COL24A1: variants seen among roughly 807,000 people sequenced by gnomAD.
The protein encoded by COL24A1 is collagen type XXIV alpha 1 chain, also known as collagen alpha-1(XXIV) chain.
In COL24A1, 224 loss-of-function variants were observed where a neutral mutation model predicts 253.9. The ratio of observed to expected loss-of-function variants is 0.88; its 90% CI spans 0.79 to 0.99. The LOEUF (loss-of-function observed/expected upper bound fraction) is 0.99. Ranked by LOEUF, COL24A1 falls within the 50% of genes least tolerant of loss-of-function variation. The pLI is 0.00. For synonymous variants in COL24A1, 685 were observed against 673.7 expected (o/e 1.02, Z -0.26); for missense variants, 2,131 against 2,068.5 (o/e 1.03, Z -0.59).
intron 24 of COL24A1, among the ~76,000 whole-genome samples, chr1:85,913,443 C>A (rs1448875907): frequency 2.0e-5 from 3 of 152,144 alleles, no homozygotes; most frequent in Non-Finnish European, 4.4e-5. Context: ...GTACTACTCA[C>A]TATTACCCCT....
chr1:86,124,851 T>G lies in COL24A1; in HGVS notation c.1485A>C (p.Gly495=). ...EYLRGPKGDT[G]PPGPPGPAGI... ...TAAAAAAAAAAAAACTTACGGGAGG[T>G]CCAGTGTCTCCTTTTGGCCCTCTCA... Residue 495 remains glycine, a synonymous_variant, in exon 3 of 60, where the codon GGA becomes GGC. Transcript: ENST00000370571. 6.5e-7 allele frequency: 1 copy of G among 1,532,426 alleles called. No individual in the cohort carries two copies. Among genetic ancestry groups the G allele is most frequent in the South Asian group, 1.3e-5 (1 of 77,006 alleles). The allele number at this position is 1,532,426 out of a possible 1,614,324, so 94.9% of individuals were successfully genotyped here.
At chr1:85,905,911 C>G (rs1223070886) in intron 28 of COL24A1, among the ~76,000 whole-genome samples, 1 of 152,002 alleles carries the variant, frequency 6.6e-6, no homozygotes, top group Non-Finnish European at 1.5e-5. Context: ...ATTGGTTGAA[C>G]TTTCCCATTA....
chr1:86,075,792 C>A (rs1557515238), intron 7 of COL24A1, among the ~76,000 whole-genome samples: 1 of 152,092 alleles, frequency 6.6e-6, no homozygotes, highest in Non-Finnish European at 1.5e-5. Context: ...ATGACAAAAA[C>A]CACATGATTA....
chr1:86,091,131 A>G (rs1051454916), intron 6 of COL24A1, among the ~76,000 whole-genome samples: 1 of 152,050 alleles, frequency 6.6e-6, no homozygotes, highest in African/African-American at 2.4e-5. Flanking sequence ...AGTAATGAAA[A>G]TACTATGTTT....
At chr1:86,092,395 T>A in intron 5 of COL24A1, 75 bp from the exon 6 acceptor site, 6 of 1,018,150 alleles carry the variant, frequency 5.9e-6, no homozygotes, top group Non-Finnish European at 9.1e-6. Context: ...CAGGTATTTA[T>A]TACCAGATGT....
intron 39 of COL24A1, among the ~76,000 whole-genome samples, chr1:85,845,642 C>T (rs957047958): frequency 2.6e-5 from 4 of 151,698 alleles, no homozygotes; most frequent in African/African-American, 7.3e-5. Flanking sequence ...CATCTACATT[C>T]GTTAAAGTGG....
chr1:86,153,878 T>G (rs1653117151), intron 1 of COL24A1, among the ~76,000 whole-genome samples: 1 of 152,172 alleles, frequency 6.6e-6, no homozygotes, highest in Admixed American at 6.6e-5. Flanking sequence ...GACTTTGAGA[T>G]TTCATTAATT....
intron 43 of COL24A1, among the ~76,000 whole-genome samples, chr1:85,837,203 G>A (rs1288891881): frequency 1.3e-5 from 2 of 152,038 alleles, no homozygotes; most frequent in African/African-American, 4.8e-5. Flanking sequence ...AGATACAAAT[G>A]TTATGTAAAT....
chr1:85,789,741 T>C (rs1224953083), intron 47 of COL24A1, among the ~76,000 whole-genome samples: 2 of 152,182 alleles, frequency 1.3e-5, no homozygotes, highest in Non-Finnish European at 2.9e-5. Context: ...ACCTAGTTTA[T>C]TGAGAGTTTT....
chr1:85,949,540 T>A (rs1338162764), intron 24 of COL24A1, among the ~76,000 whole-genome samples: 4 of 152,182 alleles, frequency 2.6e-5, no homozygotes, highest in African/African-American at 9.6e-5. Flanking sequence ...ATATATTATG[T>A]GCCAGGTACT....
chr1:85,859,426 T>A (rs1678882494), intron 37 of COL24A1, among the ~76,000 whole-genome samples: 1 of 152,144 alleles, frequency 6.6e-6, no homozygotes, highest in African/African-American at 2.4e-5. Flanking sequence ...ACAGAACATA[T>A]GAATCTATTA....
intron 8 of COL24A1, among the ~76,000 whole-genome samples, chr1:86,059,401 C>G (rs12077017): frequency 0.11 from 16,149 of 152,026 alleles, 940 homozygotes; most frequent in Middle Eastern, 0.2. Flanking sequence ...CATTAATAAT[C>G]ATAAATCTAG....
At chr1:86,032,443 C>T (rs1317320583) in intron 13 of COL24A1, among the ~76,000 whole-genome samples, 1 of 151,960 alleles carries the variant, frequency 6.6e-6, no homozygotes, top group African/African-American at 2.4e-5. Context: ...TGTAAAGGCA[C>T]CATAAAAATG....
At chr1:85,958,152 A>C (rs767428155) in intron 24 of COL24A1, among the ~76,000 whole-genome samples, 14 of 152,182 alleles carry the variant, frequency 9.2e-5, no homozygotes, top group African/African-American at 2.4e-4. Flanking sequence ...TGAAAAAAAA[A>C]CAAATATTTA....
chr1:85,970,718 C>T (rs1692075248), intron 21 of COL24A1, among the ~76,000 whole-genome samples: 1 of 152,056 alleles, frequency 6.6e-6, no homozygotes, highest in Non-Finnish European at 1.5e-5. Flanking sequence ...GCTCAATTCA[C>T]AATTCAATTA....
At chr1:86,128,390 A>C (rs1648642860) in intron 2 of COL24A1, among the ~76,000 whole-genome samples, 1 of 151,986 alleles carries the variant, frequency 6.6e-6, no homozygotes, top group African/African-American at 2.4e-5. Flanking sequence ...TATGGAAGGA[A>C]CCCTGCTTCT....
chr1:85,778,464 T>C (rs985102115), intron 52 of COL24A1, among the ~76,000 whole-genome samples: 2 of 152,118 alleles, frequency 1.3e-5, no homozygotes, highest in Non-Finnish European at 2.9e-5. Context: ...TCCCAATCAA[T>C]AGTACTTTTA....
chr1:85,976,142 G>A (rs1692654513), intron 20 of COL24A1, among the ~76,000 whole-genome samples: 1 of 152,178 alleles, frequency 6.6e-6, no homozygotes, highest in Non-Finnish European at 1.5e-5. Flanking sequence ...AAACGGAACT[G>A]TTGCAGAGAG....
chr1:85,769,984 C>G (rs1035815848), intron 53 of COL24A1, among the ~76,000 whole-genome samples: 1 of 152,060 alleles, frequency 6.6e-6, no homozygotes, highest in Non-Finnish European at 1.5e-5. Context: ...TATGTCCCAG[C>G]CACAGTACTT....
Sources: allele counts gnomAD v4.1 joint callset (sites outside exome capture counted in the v4.1 genomes callset), GRCh38; gene constraint gnomAD v4.1.1; transcripts MANE v1.5; gene names NCBI Gene and HGNC (gene_info 2026-07-23, HGNC 2026-07-21).